RBFOX1: variants seen among roughly 807,000 people sequenced by gnomAD.
RBFOX1 encodes RNA binding fox-1 homolog 1.
Under a neutral mutation model 57.7 loss-of-function variants are expected in RBFOX1, and 8 were observed. That is an observed-to-expected ratio of 0.14 (90% CI 0.08 to 0.25). RBFOX1 has a LOEUF of 0.25. Among genes scored for constraint, RBFOX1 ranks in the 10% least tolerant of loss-of-function variants. The pLI, the probability that RBFOX1 is intolerant of heterozygous loss-of-function variation, is 1.00. For missense variants in RBFOX1, 611 were observed against 548.5 expected (o/e 1.11, Z -1.14); for synonymous variants, 326 against 222.4 (o/e 1.47, Z -4.15).
At chr16:6,760,834 G>A (rs757209068) in intron 3 of RBFOX1, among the ~76,000 whole-genome samples, 1 of 152,186 alleles carries the variant, frequency 6.6e-6, no homozygotes, top group Non-Finnish European at 1.5e-5. Flanking sequence ...CCAACAGTGT[G>A]TGGCCCCAGG....
intron 9 of RBFOX1, among the ~76,000 whole-genome samples, chr16:7,607,023 A>G (rs755642041): frequency 5.9e-5 from 9 of 152,212 alleles, no homozygotes; most frequent in Non-Finnish European, 1.3e-4. Context: ...ATTAATTACC[A>G]TGTCATTTTC....
intron 3 of RBFOX1, among the ~76,000 whole-genome samples, chr16:6,827,971 G>T (rs1193964472): frequency 6.6e-6 from 1 of 152,166 alleles, no homozygotes; most frequent in Admixed American, 6.5e-5. Context: ...ATGCTCTGTA[G>T]GGGACAAATC....
At chr16:6,321,193 G>C (rs1431979140) in intron 2 of RBFOX1, among the ~76,000 whole-genome samples, 2 of 152,162 alleles carry the variant, frequency 1.3e-5, no homozygotes, top group Non-Finnish European at 2.9e-5. Flanking sequence ...ATAGTAATCA[G>C]GTCAGGGTAG....
chr16:6,096,439 T>A (rs1432624584), intron 1 of RBFOX1, among the ~76,000 whole-genome samples: 1 of 152,166 alleles, frequency 6.6e-6, no homozygotes, highest in African/African-American at 2.4e-5. Context: ...TTTCCTCACA[T>A]CTCTTTAGGA....
intron 3 of RBFOX1, chr16:6,705,441 A>G (rs2062565543): frequency 6.6e-6 from 1 of 152,184 alleles, no homozygotes; most frequent in African/African-American, 2.4e-5. Flanking sequence ...TCCCTGGGTT[A>G]CTGTACACAT....
At chr16:5,628,132 G>A (rs531047736) in intron 3 of RBFOX1, among the ~76,000 whole-genome samples, 126 of 152,202 alleles carry the variant, frequency 8.3e-4, no homozygotes, top group African/African-American at 3.0e-3. Context: ...TTAGAGTTTT[G>A]GTGCTGGCTC....
At chr16:6,985,812 C>A (rs528068550) in intron 3 of RBFOX1, among the ~76,000 whole-genome samples, 27 of 134,154 alleles carry the variant, frequency 2.0e-4, no homozygotes, top group Admixed American at 1.4e-3. Context: ...CCGGCCTGGG[C>A]CACAGAGCGT....
intron 4 of RBFOX1, among the ~76,000 whole-genome samples, chr16:7,398,109 T>A (rs903765885): frequency 6.6e-6 from 1 of 152,182 alleles, no homozygotes; most frequent in Non-Finnish European, 1.5e-5. Context: ...GATAAAGAAT[T>A]TGCAACACTA....
intron 1 of RBFOX1, among the ~76,000 whole-genome samples, chr16:6,225,486 G>A (rs1018843269): frequency 2.0e-5 from 3 of 152,116 alleles, no homozygotes; most frequent in African/African-American, 4.8e-5. Context: ...ATATATGTAA[G>A]AGATTTTTAT....
chr16:6,862,495 C>T (rs1056165140), intron 3 of RBFOX1, among the ~76,000 whole-genome samples: 1 of 152,210 alleles, frequency 6.6e-6, no homozygotes, highest in African/African-American at 2.4e-5. Flanking sequence ...AAGGAGCAAA[C>T]AGCTCTGCCT....
intron 11 of RBFOX1, among the ~76,000 whole-genome samples, chr16:7,633,709 C>A (rs1276232048): frequency 6.6e-6 from 1 of 152,164 alleles, no homozygotes; most frequent in Non-Finnish European, 1.5e-5. Context: ...AACTCTGAGA[C>A]CCCTCCCTCT....
chr16:5,512,337 T>G (rs1187749741), intron 2 of RBFOX1, among the ~76,000 whole-genome samples: 1 of 152,160 alleles, frequency 6.6e-6, no homozygotes, highest in Admixed American at 6.5e-5. Context: ...ACTGCCCAAA[T>G]GTATTGCAAT....
At position 7,171,221 on chromosome 16, in the gene RBFOX1, C is replaced by G. The variant is rs926001104; in HGVS notation, c.27+119123C>G. ...ACCCAGTACTAACTCCCAGGTCTAA[C>G]CCTCCATGAACTATGCTCTTAGGAA... On this transcript the variant is annotated intron_variant, in intron 4 of 15. Transcript: ENST00000550418. 2.6e-5 allele frequency among the ~76,000 whole-genome samples: 4 copies of G among 152,198 alleles called. No individual in the cohort carries two copies. The East Asian group carries it at 7.7e-4, about 29-fold the overall frequency.
intron 3 of RBFOX1, among the ~76,000 whole-genome samples, chr16:6,917,145 C>G (rs1258420469): frequency 6.6e-6 from 1 of 152,128 alleles, no homozygotes; most frequent in Admixed American, 6.5e-5. Context: ...GCCACTGTAC[C>G]CAGCCTGCAA....
At chr16:6,704,427 T>G (rs1026309396) in intron 3 of RBFOX1, 1 of 152,258 alleles carries the variant, frequency 6.6e-6, no homozygotes, top group Non-Finnish European at 1.5e-5. Flanking sequence ...GCTCACCGTC[T>G]CTGCCCACAT....
intron 3 of RBFOX1, chr16:6,773,922 G>T (rs145208848): frequency 7.1e-6 from 7 of 984,524 alleles, no homozygotes; most frequent in Non-Finnish European, 7.2e-6. Flanking sequence ...CGTTGCGGGG[G>T]TGTGGAGTGT....
intron 1 of RBFOX1, among the ~76,000 whole-genome samples, chr16:5,354,007 A>T (rs771371607): frequency 1.3e-5 from 2 of 152,128 alleles, no homozygotes. Flanking sequence ...GGCTGGGATG[A>T]CTTACCAGAG....
chr16:5,418,296 T>G (rs960474383), intron 1 of RBFOX1, among the ~76,000 whole-genome samples: 9 of 150,924 alleles, frequency 6.0e-5, no homozygotes, highest in Non-Finnish European at 1.0e-4. Context: ...GGGGATAGAG[T>G]AGGCAGCCTG....
At chr16:5,769,599 G>T (rs968802174) in intron 3 of RBFOX1, among the ~76,000 whole-genome samples, 3 of 152,220 alleles carry the variant, frequency 2.0e-5, no homozygotes, top group Non-Finnish European at 2.9e-5. Flanking sequence ...GTTGCGGTGA[G>T]CCGAGATCAT....
Sources: allele counts gnomAD v4.1 joint callset (sites outside exome capture counted in the v4.1 genomes callset), GRCh38; gene constraint gnomAD v4.1.1; transcripts MANE v1.5; gene names NCBI Gene and HGNC (gene_info 2026-07-23, HGNC 2026-07-21).